UBXN7: variants seen among roughly 807,000 people sequenced by gnomAD.
UBXN7 encodes the protein UBX domain protein 7.
A neutral mutation model predicts 58.0 loss-of-function variants in UBXN7; 9 were observed. The observed-to-expected ratio is 0.16, with a 90% CI of 0.09 to 0.27. The LOEUF is 0.27. Ranked by LOEUF, UBXN7 falls within the 10% of genes least tolerant of loss-of-function variation. The probability of loss-of-function intolerance (pLI) is 1.00; values close to 1 mark genes in which losing one functional copy is unlikely to be tolerated. For synonymous variants in UBXN7, 208 were observed against 205.0 expected (o/e 1.01, Z -0.12); for missense variants, 328 against 599.6 (o/e 0.55, Z 4.73).
At chr3:196,388,583 T>C (rs1729486214) in intron 5 of UBXN7, among the ~76,000 whole-genome samples, 1 of 151,938 alleles carries the variant, frequency 6.6e-6, no homozygotes. Flanking sequence ...AGTGAACAAG[T>C]GAATTAATCA....
intron 5 of UBXN7, among the ~76,000 whole-genome samples, chr3:196,383,662 A>C (rs1367714479): frequency 6.6e-6 from 1 of 152,252 alleles, no homozygotes; most frequent in Non-Finnish European, 1.5e-5. Context: ...AAACTGCACA[A>C]CTACATGGAA....
At chr3:196,424,954 G>A (rs534590576) in intron 1 of UBXN7, among the ~76,000 whole-genome samples, 16 of 151,854 alleles carry the variant, frequency 1.1e-4, no homozygotes, top group African/African-American at 3.9e-4. Context: ...CACTCGCCTC[G>A]GCCTCCCAAA....
chr3:196,409,117 T>G (rs770221576), intron 1 of UBXN7, among the ~76,000 whole-genome samples: 1 of 152,178 alleles, frequency 6.6e-6, no homozygotes, highest in African/African-American at 2.4e-5. Context: ...TGGTGCATTG[T>G]GGGTAATCTC....
rs866160460 is a variant in UBXN7 at position 196,431,891 on chromosome 3, T to C, written c.73+436A>G. On this transcript the variant is annotated intron_variant, in intron 1 of 10. Transcript: ENST00000296328. The stretch of plus-strand genomic sequence containing the variant: ...GGCCGGGGACCGGGGCAGAATGACC[T>C]GGCCGGGGAAGAAAGGAAAAAAGGA... 7.3e-5 allele frequency: 26 copies of C among 355,362 alleles called. No individual in the cohort carries two copies. The Middle Eastern group carries it at 8.5e-3, about 116-fold the overall frequency. The allele number at this position is 355,362 out of a possible 1,614,324, so 22.0% of individuals were successfully genotyped here. A position where few individuals can be genotyped will look rare whatever the true frequency, so the allele number is the denominator to read the frequency against.
chr3:196,415,215 C>G lies in UBXN7; in HGVS notation c.74-7822G>C, dbSNP rs1187788611. On this transcript the variant is annotated intron_variant, in intron 1 of 10. Transcript: ENST00000296328. ...GTTGCCAGGCTGAAAAGCAGTGGTG[C>G]GAATCTTGGCTCCCTGCAACCTCCA... 2.1e-5 allele frequency among the ~76,000 whole-genome samples: 3 copies of G among 145,316 alleles called. No individual in the cohort carries two copies. In the East Asian group the frequency reaches 6.1e-4, roughly 29 times the overall value.
In UBXN7 at chr3:196,362,480, T is replaced by C. The variant is rs1728532873; in HGVS notation, c.1042A>G (p.Arg348Gly). The C allele has an allele frequency of 1.9e-6, 3 of 1,614,208 alleles. No individual in the cohort carries two copies. Residue 348 changes from arginine to glycine, a missense_variant, in exon 9 of 11, where the codon AGA becomes GGA. This residue lies in a region of UBXN7 where 66 missense variants were observed against 77.9 expected (regional missense o/e 0.85). Transcript: ENST00000296328. ...EEEVENLAKS[R>G]KSPHKDLGHR... Reference sequence around the variant, plus strand: ...CCCAAATCTTTGTGGGGAGACTTTCTGGACTTGGCAAGATTCTCTACCTCT... The same window carrying C: ...CCCAAATCTTTGTGGGGAGACTTTCCGGACTTGGCAAGATTCTCTACCTCT...
intron 6 of UBXN7, among the ~76,000 whole-genome samples, chr3:196,371,685 G>A (rs1347311217): frequency 1.3e-5 from 2 of 152,096 alleles, no homozygotes; most frequent in Non-Finnish European, 2.9e-5. Context: ...GTTTCACCAT[G>A]TTGGCCAGGC....
intron 2 of UBXN7, among the ~76,000 whole-genome samples, chr3:196,403,523 A>G (rs1159935835): frequency 1.3e-5 from 2 of 152,172 alleles, no homozygotes; most frequent in East Asian, 1.9e-4. Flanking sequence ...CCTGGCATAT[A>G]TAGCTCAAAT....
In UBXN7 at chr3:196,353,467, CT is replaced by C. The variant is rs760637397; in HGVS notation, c.*3217del. On this transcript the variant is annotated 3_prime_UTR_variant, in exon 11 of 11. Transcript: ENST00000296328. The stretch of plus-strand genomic sequence containing the variant: ...AAGTATTCCTCTCACTTTTTTCCCA[CT>C]AGTTTTCTTCTTCTTCTTCTTTTTT... The C allele has an allele frequency of 2.0e-5, 3 of 151,484 alleles. No homozygotes were observed. The highest frequency in any genetic ancestry group is 4.8e-5 in the African/African-American group (2 of 41,266). 9.4% of individuals were successfully genotyped at this position (151,484 alleles called of 1,614,324 possible). A position where few individuals can be genotyped will look rare whatever the true frequency, so the allele number is the denominator to read the frequency against.
At chr3:196,363,266 A>G (rs1478935632) in intron 8 of UBXN7, among the ~76,000 whole-genome samples, 1 of 150,598 alleles carries the variant, frequency 6.6e-6, no homozygotes, top group Non-Finnish European at 1.5e-5. Context: ...ATATATACAC[A>G]TATTTTTTTT....
chr3:196,378,228 T>TC lies in UBXN7; in HGVS notation c.469-6187dup, dbSNP rs201538777. ...CTTATAGGTACCAAATAACCCATTC[T>TC]CCCCTTGTCCCTCTTACTTATAGAA... On this transcript the variant is annotated intron_variant, in intron 5 of 10. Coordinates refer to ENST00000296328, the MANE Select transcript of UBXN7 (RefSeq NM_015562.2). Among the ~76,000 whole-genome samples, 1,310 of 152,260 alleles carry TC rather than the reference T, an allele frequency of 8.6e-3. 18 individuals are homozygous for TC. The highest frequency in any genetic ancestry group is 0.03 in the African/African-American group (1,226 of 41,550).
intron 3 of UBXN7, among the ~76,000 whole-genome samples, chr3:196,396,522 G>A (rs952564974): frequency 2.6e-5 from 4 of 152,168 alleles, no homozygotes; most frequent in Non-Finnish European, 5.9e-5. Flanking sequence ...CAGCACTTTG[G>A]GAGACCGAGG....
intron 5 of UBXN7, among the ~76,000 whole-genome samples, chr3:196,383,060 G>C (rs942575618): frequency 4.0e-5 from 6 of 150,842 alleles, no homozygotes; most frequent in Admixed American, 6.6e-5. Flanking sequence ...AGCTTGCAGT[G>C]AGCCCAGATC....
chr3:196,412,230 C>CAAAAAAAAAAAAAA (rs55746914), intron 1 of UBXN7, among the ~76,000 whole-genome samples: 2 of 89,074 alleles, frequency 2.2e-5, no homozygotes, highest in African/African-American at 4.9e-5. Context: ...GACTTTGTCT[C>CAAAAAAAAAAAAAA]AAAAAAAAAA....
intron 2 of UBXN7, 113 bp from the exon 3 acceptor site, chr3:196,403,132 G>A: frequency 1.8e-6 from 2 of 1,099,234 alleles, no homozygotes; most frequent in South Asian, 1.6e-5. Flanking sequence ...TAGAAGCACA[G>A]TAATAATAAG....
intron 1 of UBXN7, among the ~76,000 whole-genome samples, chr3:196,420,107 A>G (rs1334052595): frequency 6.6e-6 from 1 of 152,202 alleles, no homozygotes; most frequent in Non-Finnish European, 1.5e-5. Context: ...ACAATTTCTG[A>G]TGGATCAGCT....
At chr3:196,365,419 A>G (rs1728637451) in intron 8 of UBXN7, among the ~76,000 whole-genome samples, 2 of 152,152 alleles carry the variant, frequency 1.3e-5, no homozygotes, top group Non-Finnish European at 2.9e-5. Flanking sequence ...TTGTTTCTTA[A>G]GAGACAGAGT....
At chr3:196,430,451 A>G (rs1415400620) in intron 1 of UBXN7, among the ~76,000 whole-genome samples, 1 of 151,850 alleles carries the variant, frequency 6.6e-6, no homozygotes, top group Admixed American at 6.6e-5. Context: ...GCGCAGTGGT[A>G]TGATCTACTC....
At chr3:196,363,279 T>C (rs949067341) in intron 8 of UBXN7, among the ~76,000 whole-genome samples, 2 of 151,898 alleles carry the variant, frequency 1.3e-5, no homozygotes, top group African/African-American at 4.8e-5. Context: ...TTTTTTTTTC[T>C]TTCTTTTTTT....
Sources: allele counts gnomAD v4.1 joint callset (sites outside exome capture counted in the v4.1 genomes callset), GRCh38; gene constraint gnomAD v4.1.1; regional missense constraint gnomAD v4.1.1; transcripts MANE v1.5; gene names NCBI Gene and HGNC (gene_info 2026-07-23, HGNC 2026-07-21).